The following CMKLR1 variants were observed in gnomAD, a reference collection of about 807,000 sequenced individuals.
The protein encoded by CMKLR1 is chemerin chemokine-like receptor 1.
Under a neutral mutation model 8.2 loss-of-function variants are expected in CMKLR1, and 6 were observed. The observed-to-expected ratio is 0.73, with a 90% confidence interval of 0.40 to 1.44. CMKLR1 has a LOEUF of 1.44. Among genes scored for constraint, CMKLR1 ranks in the 40% most tolerant of loss-of-function variants. The pLI, the probability that CMKLR1 is intolerant of heterozygous loss-of-function variation, is 0.02. For missense variants in CMKLR1, 429 were observed against 478.0 expected (o/e 0.90, Z 0.96); for synonymous variants, 178 against 181.2 (o/e 0.98, Z 0.14).
At position 108,293,622 on chromosome 12, in the gene CMKLR1, G is replaced by A. The variant is rs1260467650; in HGVS notation, c.-31C>T. 11 of 1,543,242 alleles carry A rather than the reference G, an allele frequency of 7.1e-6. No homozygotes were observed. Among genetic ancestry groups the A allele is most frequent in the Non-Finnish European group, 9.6e-6 (11 of 1,143,678 alleles). On this transcript the variant is annotated 5_prime_UTR_variant, in exon 3 of 4. Transcript: ENST00000550402. ...GTTATGTTGTCTGCAGCTCTCCAAT[G>A]TGAGTCCTCAGCCAATCAGTCCCTG...
intron 2 of CMKLR1, among the ~76,000 whole-genome samples, chr12:108,305,567 C>T (rs1235639032): frequency 6.6e-6 from 1 of 152,212 alleles, no homozygotes; most frequent in African/African-American, 2.4e-5. Flanking sequence ...AGAGAAGGGG[C>T]CTCTCATCTC....
At chr12:108,318,800 A>G (rs1428173316) in intron 2 of CMKLR1, among the ~76,000 whole-genome samples, 1 of 152,182 alleles carries the variant, frequency 6.6e-6, no homozygotes, top group African/African-American at 2.4e-5. Flanking sequence ...TGGTGGCCCC[A>G]AGCAGCCCTG....
chr12:108,323,755 T>C (rs931430092), intron 2 of CMKLR1, among the ~76,000 whole-genome samples: 2 of 152,246 alleles, frequency 1.3e-5, no homozygotes, highest in African/African-American at 2.4e-5. Context: ...CAGGACTGGA[T>C]GCCAGTCCTC....
At chr12:108,304,027 C>G (rs984707337) in intron 2 of CMKLR1, among the ~76,000 whole-genome samples, 5 of 152,194 alleles carry the variant, frequency 3.3e-5, no homozygotes, top group African/African-American at 1.2e-4. Flanking sequence ...CCCACTTTAC[C>G]AACGGGGATG....
At chr12:108,313,908 C>G (rs945014474) in intron 2 of CMKLR1, among the ~76,000 whole-genome samples, 1 of 152,122 alleles carries the variant, frequency 6.6e-6, no homozygotes, top group Admixed American at 6.5e-5. Context: ...TCACACAGGA[C>G]AAGCCAGCCA....
intron 1 of CMKLR1, among the ~76,000 whole-genome samples, 175 bp downstream of exon 1, chr12:108,338,852 G>A (rs1413481912): frequency 6.6e-6 from 1 of 152,182 alleles, no homozygotes; most frequent in Non-Finnish European, 1.5e-5. Flanking sequence ...GTGTATCCTT[G>A]CTATTTCTTT....
At chr12:108,329,255 C>A (rs1049808293) in intron 2 of CMKLR1, among the ~76,000 whole-genome samples, 2 of 152,156 alleles carry the variant, frequency 1.3e-5, no homozygotes, top group African/African-American at 4.8e-5. Flanking sequence ...GCCTTCAAGG[C>A]CCTGAGGAGC....
At chr12:108,305,553 GCA>G (rs1340584493) in intron 2 of CMKLR1, among the ~76,000 whole-genome samples, 3 of 152,144 alleles carry the variant, frequency 2.0e-5, no homozygotes. Flanking sequence ...ACCCTCCAGG[GCA>G]GAGAGAAGGG....
At chr12:108,310,477 T>A (rs574858966) in intron 2 of CMKLR1, among the ~76,000 whole-genome samples, 1 of 152,058 alleles carries the variant, frequency 6.6e-6, no homozygotes, top group Non-Finnish European at 1.5e-5. Context: ...AAAGTGCAGT[T>A]TTTGGAGGCT....
chr12:108,321,986 A>G (rs1267298940), intron 2 of CMKLR1, among the ~76,000 whole-genome samples: 2 of 152,214 alleles, frequency 1.3e-5, no homozygotes, highest in East Asian at 3.9e-4. Context: ...TGAGTTGTCT[A>G]TTAGTTCCCA....
At chr12:108,337,250 G>A (rs1198712359) in intron 1 of CMKLR1, among the ~76,000 whole-genome samples, 1 of 152,124 alleles carries the variant, frequency 6.6e-6, no homozygotes, top group Non-Finnish European at 1.5e-5. Context: ...CCTTCATCAT[G>A]TGGCCATGGT....
chr12:108,335,924 T>C (rs2137349638), intron 1 of CMKLR1, among the ~76,000 whole-genome samples: 1 of 152,384 alleles, frequency 6.6e-6, no homozygotes, highest in South Asian at 2.1e-4. Flanking sequence ...GGGGGATTGC[T>C]AACACGATCT....
chr12:108,337,335 G>A (rs1158790373), intron 1 of CMKLR1, among the ~76,000 whole-genome samples: 1 of 152,196 alleles, frequency 6.6e-6, no homozygotes, highest in Non-Finnish European at 1.5e-5. Flanking sequence ...TCTAAGAGAT[G>A]GGACTTCAGT....
At chr12:108,336,742 C>A (rs1215329368) in intron 1 of CMKLR1, among the ~76,000 whole-genome samples, 5 of 152,122 alleles carry the variant, frequency 3.3e-5, no homozygotes, top group Non-Finnish European at 7.3e-5. Flanking sequence ...CATTAATAAT[C>A]CACTAAAGAA....
intron 3 of CMKLR1, 82 bp downstream of exon 3, chr12:108,293,507 G>T: frequency 1.4e-6 from 2 of 1,454,210 alleles, no homozygotes; most frequent in Non-Finnish European, 1.9e-6. Flanking sequence ...CAAGTGGACA[G>T]CCTTGTTGTG....
At chr12:108,299,454 T>G (rs1355779555) in intron 2 of CMKLR1, among the ~76,000 whole-genome samples, 2 of 152,124 alleles carry the variant, frequency 1.3e-5, no homozygotes, top group Non-Finnish European at 2.9e-5. Context: ...CTAGGAAGCA[T>G]CCCCTCTCCT....
chr12:108,291,688 G>A lies in CMKLR1; in HGVS notation c.*153C>T. 1 of 768,826 alleles carries A rather than the reference G, an allele frequency of 1.3e-6. No homozygotes were observed. Among genetic ancestry groups the A allele is most frequent in the Admixed American group, 2.4e-5 (1 of 41,938 alleles). 47.6% of individuals were successfully genotyped at this position (768,826 alleles called of 1,614,324 possible). ...GTCCACTAGAAGAAAGGGGTTCCAGGCCCTAGATTCCCAGCATAAAACACT... is the reference window on the plus strand; with the variant it reads ...GTCCACTAGAAGAAAGGGGTTCCAGACCCTAGATTCCCAGCATAAAACACT... On this transcript the variant is annotated 3_prime_UTR_variant, in exon 4 of 4. Coordinates refer to ENST00000550402, the MANE Select transcript of CMKLR1 (RefSeq NM_001142343.2).
intron 2 of CMKLR1, among the ~76,000 whole-genome samples, chr12:108,295,805 C>G (rs1321610482): frequency 6.6e-6 from 1 of 152,226 alleles, no homozygotes; most frequent in Non-Finnish European, 1.5e-5. Flanking sequence ...CTTCGCACAG[C>G]ATCTGCAGAG....
At chr12:108,319,696 T>C (rs1891814087) in intron 2 of CMKLR1, among the ~76,000 whole-genome samples, 1 of 151,584 alleles carries the variant, frequency 6.6e-6, no homozygotes. Flanking sequence ...ATTGTTATTA[T>C]TGTTGTTGTT....
Sources: gnomAD v4.1 joint callset for allele counts (sites outside exome capture counted in the v4.1 genomes callset) on GRCh38, gnomAD v4.1.1 for gene constraint, MANE v1.5 for transcripts, NCBI Gene and HGNC (gene_info 2026-07-23, HGNC 2026-07-21) for gene names.